MCPH1: variants seen among roughly 807,000 people sequenced by gnomAD.
MCPH1 encodes microcephalin.
In MCPH1, 104 loss-of-function variants were observed where a neutral mutation model predicts 84.5. That is an observed-to-expected ratio of 1.23 (90% CI 1.05 to 1.45). MCPH1 has a LOEUF of 1.45. Ranked by LOEUF, MCPH1 falls within the 40% of genes most tolerant of loss-of-function variation. MCPH1 has a pLI of 0.00. For missense variants in MCPH1, 1,498 were observed against 1,005.7 expected (o/e 1.49, Z -6.62); for synonymous variants, 514 against 366.8 (o/e 1.40, Z -4.58).
chr8:6,511,480 A>G (rs1042378548), intron 12 of MCPH1, among the ~76,000 whole-genome samples: 3 of 152,194 alleles, frequency 2.0e-5, no homozygotes, highest in African/African-American at 7.2e-5. Context: ...ATGAAATTCT[A>G]TTGATGCATT....
intron 12 of MCPH1, chr8:6,514,764 C>A (rs1319607077): frequency 6.2e-7 from 1 of 1,613,928 alleles, no homozygotes; most frequent in Non-Finnish European, 8.5e-7. Context: ...CTCCAGCTTC[C>A]ATGTCACAGT....
At chr8:6,642,822 T>G (rs1798020191) in intron 13 of MCPH1, 172 bp from the exon 14 acceptor site, 5 of 684,306 alleles carry the variant, frequency 7.3e-6, no homozygotes, top group Middle Eastern at 6.3e-4. Context: ...GAATTTCGTT[T>G]CACGTTAATT....
In MCPH1 at chr8:6,445,272, A is replaced by T. The variant is rs1804145852; in HGVS notation, c.1550A>T (p.Asp517Val). The T allele has an allele frequency of 1.2e-6, 2 of 1,614,054 alleles. No homozygotes were observed. The highest frequency in any genetic ancestry group is 1.7e-6 in the Non-Finnish European group (2 of 1,180,024). Reference sequence around the variant, plus strand: ...TGTTGTAGACAGGCTGGGAAAGAAGACGCATGCCCAGAGGGAAATGGCTTT... The same window carrying T: ...TGTTGTAGACAGGCTGGGAAAGAAGTCGCATGCCCAGAGGGAAATGGCTTT... ...LRCCRQAGKE[D>V]ACPEGNGFSY... Residue 517 changes from aspartate (D) to valine (V), a missense_variant, in exon 8 of 14, where the codon GAC becomes GTC. Physicochemically the swap from Asp to Val is radical, Grantham distance 152 (BLOSUM62 -3). Transcript: ENST00000344683.
intron 3 of MCPH1, among the ~76,000 whole-genome samples, chr8:6,424,833 G>A (rs1331210260): frequency 1.3e-5 from 2 of 152,226 alleles, no homozygotes; most frequent in East Asian, 3.8e-4. Flanking sequence ...AGTCTCCTGT[G>A]TTCTTCCTTG....
chr8:6,416,947 C>T (rs911223033), intron 3 of MCPH1, among the ~76,000 whole-genome samples: 1 of 151,670 alleles, frequency 6.6e-6, no homozygotes, highest in African/African-American at 2.4e-5. Context: ...TGAACCAAGA[C>T]CACGCCATTG....
intron 13 of MCPH1, among the ~76,000 whole-genome samples, chr8:6,632,626 A>G (rs952699660): frequency 1.4e-4 from 22 of 152,180 alleles, no homozygotes; most frequent in South Asian, 6.2e-4. Context: ...TGGCTAACAC[A>G]GTGAAACCCC....
chr8:6,413,419 T>G (rs1798813627), intron 2 of MCPH1, among the ~76,000 whole-genome samples: 1 of 151,506 alleles, frequency 6.6e-6, no homozygotes, highest in Non-Finnish European at 1.5e-5. Context: ...TGGGGGATTC[T>G]TTTGATCTAG....
intron 11 of MCPH1, among the ~76,000 whole-genome samples, chr8:6,492,856 G>A (rs967849480): frequency 4.0e-5 from 6 of 151,810 alleles, no homozygotes; most frequent in African/African-American, 1.5e-4. Context: ...GTACTCTTGG[G>A]TAGTACAGAG....
In MCPH1 at chr8:6,456,793, C is replaced by A. The variant is rs139585321; in HGVS notation, c.1935+1541C>A. Among the ~76,000 whole-genome samples, 355 of 152,228 alleles carry A rather than the reference C, an allele frequency of 2.3e-3. 3 individuals are homozygous for A. Among genetic ancestry groups the A allele is most frequent in the African/African-American group, 8.3e-3 (344 of 41,514 alleles). ...TTGCCCACAGTGGAAGTTACTGTTT[C>A]AGACGAGTGGTATTGCCTCCCTGTG... On this transcript the variant is annotated intron_variant, in intron 9 of 13. Coordinates refer to ENST00000344683, the MANE Select transcript of MCPH1 (RefSeq NM_024596.5).
chr8:6,436,230 A>G (rs1203129717), intron 5 of MCPH1, 68 bp downstream of exon 5: 3 of 1,512,056 alleles, frequency 2.0e-6, no homozygotes, highest in Admixed American at 3.5e-5. Context: ...TTGCATGATG[A>G]CTAGTGGGGT....
intron 12 of MCPH1, 122 bp from the exon 13 acceptor site, chr8:6,621,332 A>C: frequency 8.1e-7 from 1 of 1,240,104 alleles, no homozygotes; most frequent in Non-Finnish European, 1.2e-6. Context: ...TCACAGGAGC[A>C]TGGCAGCCTT....
At chr8:6,463,559 AG>A (rs1238238670) in intron 9 of MCPH1, among the ~76,000 whole-genome samples, 1 of 152,194 alleles carries the variant, frequency 6.6e-6, no homozygotes, top group Non-Finnish European at 1.5e-5. Context: ...AGTGGAAAGA[AG>A]ATAAAAGGGT....
intron 7 of MCPH1, 32 bp from the exon 8 acceptor site, chr8:6,444,361 T>C (rs1007894583): frequency 1.9e-6 from 3 of 1,613,392 alleles, no homozygotes; most frequent in African/African-American, 2.7e-5. Context: ...TAAACCACTT[T>C]TAAAAGTTAG....
chr8:6,518,632 G>C (rs2916672), intron 12 of MCPH1, among the ~76,000 whole-genome samples: 1 of 152,028 alleles, frequency 6.6e-6, no homozygotes, highest in Non-Finnish European at 1.5e-5. Context: ...CTTTGATACT[G>C]TTTTAAATAC....
At chr8:6,601,371 C>T (rs1353924499) in intron 12 of MCPH1, among the ~76,000 whole-genome samples, 1 of 152,236 alleles carries the variant, frequency 6.6e-6, no homozygotes, top group East Asian at 1.9e-4. Flanking sequence ...CTGCCCTCCT[C>T]CTCTTCCGTC....
intron 4 of MCPH1, among the ~76,000 whole-genome samples, chr8:6,433,458 C>A (rs150670062): frequency 2.0e-5 from 3 of 151,710 alleles, no homozygotes; most frequent in African/African-American, 7.3e-5. Context: ...CATGGCGAAA[C>A]CCCATCTCTA....
intron 9 of MCPH1, among the ~76,000 whole-genome samples, chr8:6,472,171 A>G (rs1807804766): frequency 6.6e-6 from 1 of 152,248 alleles, no homozygotes; most frequent in Non-Finnish European, 1.5e-5. Context: ...ATATAACAAA[A>G]TAGTCCCAAG....
chr8:6,589,040 A>C (rs1445191209), intron 12 of MCPH1, among the ~76,000 whole-genome samples: 3 of 152,248 alleles, frequency 2.0e-5, no homozygotes, highest in African/African-American at 4.8e-5. Flanking sequence ...TTTCTTAAAC[A>C]ATCACTGTAT....
intron 9 of MCPH1, among the ~76,000 whole-genome samples, chr8:6,468,922 C>T (rs1303447796): frequency 1.3e-5 from 2 of 152,138 alleles, no homozygotes; most frequent in Admixed American, 6.6e-5. Context: ...AGCACAGTGG[C>T]TCATGCTTGT....
Sources: allele counts gnomAD v4.1 joint callset (sites outside exome capture counted in the v4.1 genomes callset), GRCh38; gene constraint gnomAD v4.1.1; transcripts MANE v1.5; gene names NCBI Gene and HGNC (gene_info 2026-07-23, HGNC 2026-07-21).